Variants in PRKN observed in about 807,000 individuals in gnomAD.
The protein encoded by PRKN is E3 ubiquitin-protein ligase parkin.
Under a neutral mutation model 59.5 loss-of-function variants are expected in PRKN, and 56 were observed. The ratio of observed to expected loss-of-function variants is 0.94; its 90% CI spans 0.76 to 1.18. The LOEUF is 1.18. PRKN is among the 50% of genes most tolerant of loss of function. The probability of loss-of-function intolerance (pLI) is 0.00; values close to 1 mark genes in which losing one functional copy is unlikely to be tolerated. For missense variants in PRKN, 657 were observed against 596.4 expected, an observed-to-expected ratio of 1.10 and a Z score of -1.06; for synonymous variants, 250 against 222.1, an observed-to-expected ratio of 1.13 and a Z score of -1.12.
Position 161,458,860 on chromosome 6 carries a change from G to A in PRKN, c.1084-71983C>T, listed in dbSNP as rs1302723705. Among the ~76,000 whole-genome samples the A allele has an allele frequency of 6.6e-6, 1 of 152,018 alleles. No individual in the cohort carries two copies. Among genetic ancestry groups the A allele is most frequent in the Non-Finnish European group, 1.5e-5 (1 of 68,020 alleles). On this transcript the variant is annotated intron_variant, in intron 9 of 11. Transcript: ENST00000366898. This position sits in a 1 kb window ranked among gnomAD's most constrained non-coding sequence, Gnocchi z 6.1. Reference sequence around the variant, plus strand: ...AAAGTGAAGAGCATATGGTCACTATGACTTGCTAGTATCCTTGGTCTAAAC... The same window carrying A: ...AAAGTGAAGAGCATATGGTCACTATAACTTGCTAGTATCCTTGGTCTAAAC...
chr6:161,538,527 G>A lies in PRKN; in HGVS notation c.1083+10327C>T. On this transcript the variant is annotated intron_variant, in intron 9 of 11. Transcript: ENST00000366898. This position sits in a 1 kb window ranked among gnomAD's most constrained non-coding sequence, Gnocchi z 4.2. Reference sequence around the variant, plus strand: ...TGGGACTAAAGGTCAAGCCAGGACAGATCAGATTTGCCTAGGGGACACTTC... The same window carrying A: ...TGGGACTAAAGGTCAAGCCAGGACAAATCAGATTTGCCTAGGGGACACTTC... 6.6e-6 allele frequency among the ~76,000 whole-genome samples: 1 copy of A among 152,084 alleles called. No homozygotes were observed. The highest frequency in any genetic ancestry group is 1.9e-4 in the East Asian group (1 of 5,178).
Position 161,552,330 on chromosome 6 carries a change from CTA to C in PRKN, c.934-3329_934-3328del, listed in dbSNP as rs1780052421. Among the ~76,000 whole-genome samples the C allele has an allele frequency of 6.8e-6, 1 of 146,794 alleles. No individual in the cohort carries two copies. The highest frequency in any genetic ancestry group is 2.6e-5 in the African/African-American group (1 of 37,872). On this transcript the variant is annotated intron_variant, in intron 8 of 11. Transcript: ENST00000366898. This position sits in a 1 kb window ranked among gnomAD's most constrained non-coding sequence, Gnocchi z 4.9. ...CTCCCTCAGCTCTGTTCACCTCCGC[CTA>C]TGACTGTGAATGATCTCACGGTGAT...
At chr6:161,580,530 G>T (rs755955492) in intron 7 of PRKN, among the ~76,000 whole-genome samples, 2 of 152,092 alleles carry the variant, frequency 1.3e-5, no homozygotes, top group Non-Finnish European at 2.9e-5. Context: ...AGGCTGGAGT[G>T]CAGTGGTGCA....
intron 7 of PRKN, among the ~76,000 whole-genome samples, chr6:161,779,547 C>T (rs111318150): frequency 0.03 from 3,959 of 132,034 alleles, 161 homozygotes; most frequent in African/African-American, 0.096. Context: ...TGGGTTCAAG[C>T]GATTCTCCTG....
intron 6 of PRKN, among the ~76,000 whole-genome samples, chr6:161,850,241 G>A (rs1793370847): frequency 6.6e-6 from 1 of 152,080 alleles, no homozygotes; most frequent in South Asian, 2.1e-4. Flanking sequence ...TGTGGAATGA[G>A]TCCTCCATAT....
At chr6:162,203,742 G>T (rs1487373897) in intron 3 of PRKN, among the ~76,000 whole-genome samples, 1 of 152,090 alleles carries the variant, frequency 6.6e-6, no homozygotes, top group Non-Finnish European at 1.5e-5. Context: ...CTAGTCAATA[G>T]CATGAATCTC....
intron 7 of PRKN, among the ~76,000 whole-genome samples, chr6:161,635,986 C>G (rs1783500365): frequency 6.6e-6 from 1 of 152,176 alleles, no homozygotes; most frequent in East Asian, 1.9e-4. Context: ...ACACATGCCC[C>G]AGGGCTGTGT....
At chr6:161,959,402 A>T (rs142552749) in intron 6 of PRKN, among the ~76,000 whole-genome samples, 1 of 152,234 alleles carries the variant, frequency 6.6e-6, no homozygotes, top group East Asian at 1.9e-4. Flanking sequence ...CTGCCTCTGG[A>T]GAAGTCCGCC....
At chr6:161,820,010 T>G (rs1432872339) in intron 6 of PRKN, among the ~76,000 whole-genome samples, 2 of 152,118 alleles carry the variant, frequency 1.3e-5, no homozygotes, top group Non-Finnish European at 2.9e-5. Flanking sequence ...TATAAAGAGC[T>G]CTTACAATTT....
chr6:161,946,414 A>ACACACT lies in PRKN; in HGVS notation c.734+26887_734+26888insAGTGTG, dbSNP rs1247187053. ...CACACACACACACACACACACACACACTCTCTCTCTCTCTCTCTCTCTCTC... is the reference window on the plus strand; with the variant it reads ...CACACACACACACACACACACACACACACACTCTCTCTCTCTCTCTCTCTCTCTCTC... On this transcript the variant is annotated intron_variant, in intron 6 of 11. Transcript: ENST00000366898. Among the ~76,000 whole-genome samples the ACACACT allele has an allele frequency of 5.5e-3, 633 of 114,422 alleles. 4 individuals carry two copies. The highest frequency in any genetic ancestry group is 0.028 in the Middle Eastern group (6 of 216). 75.1% of individuals were successfully genotyped at this position (114,422 alleles called of 152,430 possible).
rs9458507 is a variant in PRKN at position 162,314,790 on chromosome 6, C to A, written c.172-52025G>T. On this transcript the variant is annotated intron_variant, in intron 2 of 11. Coordinates refer to ENST00000366898, the MANE Select transcript of PRKN (RefSeq NM_004562.3). Reference sequence around the variant, plus strand: ...CCAGACTATACCTCCTCTGACAATGCTTTGATTAATGCAGGGAAAGTCACA... The same window carrying A: ...CCAGACTATACCTCCTCTGACAATGATTTGATTAATGCAGGGAAAGTCACA... Among the ~76,000 whole-genome samples, 363 of 152,278 alleles carry A rather than the reference C, an allele frequency of 2.4e-3. 2 individuals are homozygous for A. Among genetic ancestry groups the A allele is most frequent in the Middle Eastern group, 0.01 (3 of 294 alleles).
At position 161,356,848 on chromosome 6, in the gene PRKN, GGGGC is replaced by G. The variant is rs1336965396; in HGVS notation, c.1285+3236_1285+3239del. Among the ~76,000 whole-genome samples, 1 of 152,100 alleles carries G rather than the reference GGGGC, an allele frequency of 6.6e-6. No individual in the cohort carries two copies. The highest frequency in any genetic ancestry group is 1.5e-5 in the Non-Finnish European group (1 of 68,026). On this transcript the variant is annotated intron_variant, in intron 11 of 11. Coordinates refer to ENST00000366898, the MANE Select transcript of PRKN (RefSeq NM_004562.3). The surrounding 1 kb of genome is among the most constrained non-coding windows in gnomAD (Gnocchi z 7.8). ...CAGCTGGCTATTGGAGTCGGACCGA[GGGGC>G]GAGATGAGGGTGGGGTGTAGATTTG...
chr6:162,555,318 T>C (rs76209835), intron 1 of PRKN, among the ~76,000 whole-genome samples: 2,207 of 152,286 alleles, frequency 0.014, 62 homozygotes, highest in African/African-American at 0.05. Context: ...AAATATTCTT[T>C]GAACCAAGAT....
rs996281847 is a variant in PRKN, at chr6:161,442,766, C to T, written c.1084-55889G>A. On this transcript the variant is annotated intron_variant, in intron 9 of 11. Coordinates refer to ENST00000366898, the MANE Select transcript of PRKN (RefSeq NM_004562.3). The surrounding 1 kb of genome is among the most constrained non-coding windows in gnomAD (Gnocchi z 4.6). The stretch of plus-strand genomic sequence containing the variant: ...AGAATGCAGCCGTGGAGACGAACAG[C>T]TTACCGAGAGCCTCTGCCAGGAAGC... 5.3e-5 allele frequency among the ~76,000 whole-genome samples: 8 copies of T among 152,246 alleles called. No individual in the cohort carries two copies. The highest frequency in any genetic ancestry group is 9.6e-5 in the African/African-American group (4 of 41,464).
In PRKN at chr6:161,468,305, A is replaced by C. The variant is rs116736337; in HGVS notation, c.1083+80549T>G. Among the ~76,000 whole-genome samples the C allele has an allele frequency of 0.014, 2,109 of 152,268 alleles. 45 individuals carry two copies. Among genetic ancestry groups the C allele is most frequent in the African/African-American group, 0.04 (1,679 of 41,548 alleles). On this transcript the variant is annotated intron_variant, in intron 9 of 11. Transcript: ENST00000366898. The surrounding 1 kb of genome is among the most constrained non-coding windows in gnomAD (Gnocchi z 5.9). ...CTATACTTTAAAACAAAAACAAAAAAAAAACAGCCAAACCTAATCTTCAAT... is the reference window on the plus strand; with the variant it reads ...CTATACTTTAAAACAAAAACAAAAACAAAACAGCCAAACCTAATCTTCAAT...
Position 161,360,061 on chromosome 6 carries a change from C to T in PRKN, c.1285+27G>A, listed in dbSNP as rs1366121147. ...TCTCCCCCAAAGAGCACACGACATC[C>T]TCATTCTCTGCTCAGCACAGACTCA... On this transcript the variant is annotated intron_variant, in intron 11 of 11. Transcript: ENST00000366898. The surrounding 1 kb of genome is among the most constrained non-coding windows in gnomAD (Gnocchi z 5.1). The T allele has an allele frequency of 2.7e-6, 4 of 1,489,816 alleles. No individual in the cohort carries two copies. Among genetic ancestry groups the T allele is most frequent in the Non-Finnish European group, 3.8e-6 (4 of 1,066,448 alleles). The allele number at this position is 1,489,816 out of a possible 1,614,324, so 92.3% of individuals were successfully genotyped here. A position where few individuals can be genotyped will look rare whatever the true frequency, so the allele number is the denominator to read the frequency against.
intron 3 of PRKN, among the ~76,000 whole-genome samples, chr6:162,245,364 G>A (rs779141412): frequency 4.0e-5 from 6 of 151,838 alleles, no homozygotes; most frequent in Non-Finnish European, 5.9e-5. Flanking sequence ...TTATTAAATT[G>A]CATATTTACC....
chr6:162,176,413 C>T (rs1316089537), intron 4 of PRKN, among the ~76,000 whole-genome samples: 1 of 152,052 alleles, frequency 6.6e-6, no homozygotes, highest in Admixed American at 6.6e-5. Context: ...ATAGAGGACC[C>T]ATAAGTAAAT....
At chr6:162,273,333 CACA>C (rs142009865) in intron 2 of PRKN, among the ~76,000 whole-genome samples, 9,668 of 152,010 alleles carry the variant, frequency 0.064, 416 homozygotes, top group Middle Eastern at 0.16. Flanking sequence ...TTCACAAAAT[CACA>C]ACAATACTTA....
Sources: allele counts gnomAD v4.1 joint callset (sites outside exome capture counted in the v4.1 genomes callset), GRCh38; gene constraint gnomAD v4.1.1; non-coding constraint Gnocchi (gnomAD v3.1); transcripts MANE v1.5; gene names NCBI Gene and HGNC (gene_info 2026-07-23, HGNC 2026-07-21).